The following LCORL variants were observed in gnomAD, a reference collection of about 807,000 sequenced individuals.
LCORL encodes the protein ligand-dependent nuclear receptor corepressor-like protein.
LCORL carries 41 observed loss-of-function variants against 141.8 expected under a neutral mutation model. The observed-to-expected ratio is 0.29, with a 90% confidence interval of 0.23 to 0.38. The LOEUF (loss-of-function observed/expected upper bound fraction) is 0.38. Among genes scored for constraint, LCORL ranks in the 10% least tolerant of loss-of-function variants. The probability of loss-of-function intolerance (pLI) is 1.00; values close to 1 mark genes in which losing one functional copy is unlikely to be tolerated. For synonymous variants in LCORL, 618 were observed against 694.1 expected (o/e 0.89, Z 1.72); for missense variants, 1,759 against 2,035.0 (o/e 0.86, Z 2.61).
chr4:17,862,115 C>A (rs901406603), intron 7 of LCORL, among the ~76,000 whole-genome samples: 1 of 152,140 alleles, frequency 6.6e-6, no homozygotes, highest in African/African-American at 2.4e-5. Context: ...AGCAGCACCC[C>A]ACTCTTGGTA....
chr4:18,004,106 T>C (rs575217433), intron 1 of LCORL, among the ~76,000 whole-genome samples: 14 of 152,340 alleles, frequency 9.2e-5, no homozygotes, highest in African/African-American at 2.4e-4. Flanking sequence ...CTGGGAAGTA[T>C]TGGTGTACAT....
intron 4 of LCORL, among the ~76,000 whole-genome samples, chr4:17,923,448 C>A (rs567083300): frequency 6.6e-6 from 1 of 152,308 alleles, no homozygotes; most frequent in South Asian, 2.1e-4. Context: ...GAGTTCGAGA[C>A]CAGCCTGGCC....
Position 17,909,362 on chromosome 4 carries a change from TATA to T in LCORL, c.431-20_431-18del, listed in dbSNP as rs767233492. ...GAGGAAGATCTAGGGAAGAAATAAATATAATAATCATTTTAAAAAGAGAAAGGC... is the reference window on the plus strand; with the variant it reads ...GAGGAAGATCTAGGGAAGAAATAAATATAATCATTTTAAAAAGAGAAAGGC... On this transcript the variant is annotated intron_variant, in intron 4 of 7. Transcript: ENST00000635767. 4.0e-6 allele frequency: 6 copies of T among 1,517,984 alleles called. No homozygotes were observed. Among genetic ancestry groups the T allele is most frequent in the Non-Finnish European group, 5.3e-6 (6 of 1,129,738 alleles). The allele number at this position is 1,517,984 out of a possible 1,614,324, so 94.0% of individuals were successfully genotyped here. A position where few individuals can be genotyped will look rare whatever the true frequency, so the allele number is the denominator to read the frequency against.
chr4:18,010,987 TC>T (rs746392359), intron 1 of LCORL, among the ~76,000 whole-genome samples: 104 of 152,200 alleles, frequency 6.8e-4, no homozygotes, highest in Non-Finnish European at 1.1e-3. Context: ...GATTGGTGAT[TC>T]TGGATTTGAG....
chr4:17,909,346 C>G lies in LCORL; in HGVS notation c.431-1G>C. 1 of 1,567,926 alleles carries G rather than the reference C, an allele frequency of 6.4e-7. No individual in the cohort carries two copies. The highest frequency in any genetic ancestry group is 8.6e-7 in the Non-Finnish European group (1 of 1,157,310). ...TTAGGATCACAGTTCTGAGGAAGAT[C>G]TAGGGAAGAAATAAATATAATAATC... On this transcript the variant is annotated splice_acceptor_variant, in intron 4 of 7. Transcript: ENST00000635767. LOFTEE classifies it high-confidence loss of function.
intron 4 of LCORL, among the ~76,000 whole-genome samples, chr4:17,930,522 T>C (rs958392646): frequency 6.6e-6 from 1 of 152,234 alleles, no homozygotes; most frequent in Non-Finnish European, 1.5e-5. Context: ...GTGTTCTACA[T>C]TTAAAAAATA....
At chr4:17,897,328 G>A (rs7682916) in intron 5 of LCORL, among the ~76,000 whole-genome samples, 14,986 of 139,024 alleles carry the variant, frequency 0.11, 1,707 homozygotes, top group African/African-American at 0.3. Flanking sequence ...CCTCTAAACT[G>A]TTCTCCACAG....
chr4:17,990,837 G>C (rs763127519), intron 1 of LCORL, among the ~76,000 whole-genome samples: 1 of 151,982 alleles, frequency 6.6e-6, no homozygotes, highest in African/African-American at 2.4e-5. Flanking sequence ...AGCCACCAGT[G>C]AATGTGGAAA....
intron 4 of LCORL, among the ~76,000 whole-genome samples, chr4:17,948,149 A>G (rs1018960853): frequency 2.0e-5 from 3 of 152,002 alleles, no homozygotes; most frequent in African/African-American, 7.2e-5. Context: ...GAAAATATGA[A>G]CACCTGCATG....
chr4:17,855,812 C>T (rs1047367289), intron 7 of LCORL, among the ~76,000 whole-genome samples: 3 of 152,138 alleles, frequency 2.0e-5, no homozygotes, highest in Non-Finnish European at 4.4e-5. Context: ...ATCTGCCAAC[C>T]ACAGACTCAT....
intron 4 of LCORL, among the ~76,000 whole-genome samples, chr4:17,937,593 A>C (rs1289109066): frequency 6.6e-6 from 1 of 152,216 alleles, no homozygotes; most frequent in African/African-American, 2.4e-5. Flanking sequence ...TTACAGACTT[A>C]GATTTCTTCT....
At chr4:18,020,161 C>T (rs1161314177) in intron 1 of LCORL, among the ~76,000 whole-genome samples, 27 of 152,206 alleles carry the variant, frequency 1.8e-4, no homozygotes, top group Admixed American at 1.7e-3. Context: ...TTCTGCGGTA[C>T]ACATTTCTGA....
At chr4:17,882,196 T>G in intron 6 of LCORL, 1 of 984,506 alleles carries the variant, frequency 1.0e-6, no homozygotes, top group Non-Finnish European at 1.2e-6. Flanking sequence ...CAAACACAAG[T>G]GTAAAAACAC....
At chr4:18,002,961 C>T (rs574797680) in intron 1 of LCORL, among the ~76,000 whole-genome samples, 5 of 152,170 alleles carry the variant, frequency 3.3e-5, no homozygotes, top group Non-Finnish European at 7.4e-5. Context: ...TAAAAACAAA[C>T]TTAAATATCA....
chr4:17,991,565 G>C (rs1278971974), intron 1 of LCORL, among the ~76,000 whole-genome samples: 1 of 152,164 alleles, frequency 6.6e-6, no homozygotes. Context: ...AAGGCATTCT[G>C]ATAATATTTG....
intron 4 of LCORL, among the ~76,000 whole-genome samples, chr4:17,947,082 C>T (rs1738998863): frequency 6.6e-6 from 1 of 151,956 alleles, no homozygotes; most frequent in Admixed American, 6.6e-5. Flanking sequence ...TAGCATTATT[C>T]ACAACAGCTG....
intron 2 of LCORL, among the ~76,000 whole-genome samples, chr4:17,967,765 A>C (rs1715192676): frequency 6.6e-6 from 1 of 152,190 alleles, no homozygotes; most frequent in Non-Finnish European, 1.5e-5. Context: ...TCTTTACTTC[A>C]GATAAGTATG....
intron 2 of LCORL, among the ~76,000 whole-genome samples, 173 bp from the exon 3 acceptor site, chr4:17,963,222 C>G (rs1242718147): frequency 6.6e-6 from 1 of 151,862 alleles, no homozygotes; most frequent in Admixed American, 6.6e-5. Flanking sequence ...ACAGAGAAGG[C>G]TGTAAGGAGA....
At chr4:17,862,588 A>G (rs1393398179) in intron 7 of LCORL, among the ~76,000 whole-genome samples, 1 of 152,240 alleles carries the variant, frequency 6.6e-6, no homozygotes, top group Admixed American at 6.5e-5. Context: ...CAACCATCTG[A>G]TCCTTGACAA....
Sources: gnomAD v4.1 joint callset for allele counts (sites outside exome capture counted in the v4.1 genomes callset) on GRCh38, gnomAD v4.1.1 for gene constraint, MANE v1.5 for transcripts, NCBI Gene and HGNC (gene_info 2026-07-23, HGNC 2026-07-21) for gene names.